Variants in COL13A1 observed in about 807,000 individuals in gnomAD.
The protein encoded by COL13A1 is collagen alpha-1(XIII) chain.
COL13A1 carries 89 observed loss-of-function variants against 130.9 expected under a neutral mutation model. The observed-to-expected ratio is 0.68, with a 90% CI of 0.57 to 0.81. The LOEUF (loss-of-function observed/expected upper bound fraction) is 0.81. COL13A1 is among the 30% of genes least tolerant of loss of function. The probability of loss-of-function intolerance (pLI) is 0.00; values close to 1 mark genes in which losing one functional copy is unlikely to be tolerated. For missense variants in COL13A1, 879 were observed against 934.6 expected (o/e 0.94, Z 0.78); for synonymous variants, 402 against 341.6 (o/e 1.18, Z -1.95).
rs1230501667 is a variant in COL13A1, at chr10:69,880,553, T to C, written c.513T>C (p.Pro171=). 1.2e-6 allele frequency: 2 copies of C among 1,613,040 alleles called. No homozygotes were observed. Among genetic ancestry groups the C allele is most frequent in the African/African-American group, 2.7e-5 (2 of 74,880 alleles). Residue 171 remains proline (P), a splice_region_variant and synonymous_variant, in exon 7 of 41, where the codon CCT becomes CCC. Coordinates refer to ENST00000645393, the MANE Select transcript of COL13A1 (RefSeq NM_001368882.1). Reference sequence around the variant, plus strand: ...CCATCATTGGTCCCCGCGGCCCCCCTGTAAGTTGTTTTTGCTCTTCCTCGG... The same window carrying C: ...CCATCATTGGTCCCCGCGGCCCCCCCGTAAGTTGTTTTTGCTCTTCCTCGG... The part of the protein sequence containing the change: ...GLSIIGPRGP[P]GQPGTRGFPG...
chr10:69,809,213 C>T lies in COL13A1; in HGVS notation c.294+6496C>T, dbSNP rs75236246. 5.8e-3 allele frequency among the ~76,000 whole-genome samples: 882 copies of T among 152,332 alleles called. 6 individuals are homozygous for T. Among genetic ancestry groups the T allele is most frequent in the African/African-American group, 0.02 (847 of 41,576 alleles). On this transcript the variant is annotated intron_variant, in intron 1 of 40. Transcript: ENST00000645393. The stretch of plus-strand genomic sequence containing the variant: ...TGAAAAATGGAGATGATGACATCCT[C>T]CTTACAGGGTTGTTGTAGGATTAAA...
intron 2 of COL13A1, among the ~76,000 whole-genome samples, chr10:69,823,277 G>A (rs991750755): frequency 6.6e-6 from 1 of 152,210 alleles, no homozygotes; most frequent in African/African-American, 2.4e-5. Context: ...TACTTTTCTA[G>A]GTGCCTGTTA....
chr10:69,878,062 G>A lies in COL13A1; in HGVS notation c.459G>A (p.Glu153=), dbSNP rs2134240142. 1 of 702,980 alleles carries A rather than the reference G, an allele frequency of 1.4e-6. No homozygotes were observed. The highest frequency in any genetic ancestry group is 1.5e-5 in the South Asian group (1 of 67,600). The allele number at this position is 702,980 out of a possible 1,614,324, so 43.5% of individuals were successfully genotyped here. A position where few individuals can be genotyped will look rare whatever the true frequency, so the allele number is the denominator to read the frequency against. Residue 153 remains glutamate (E), a synonymous_variant, in exon 6 of 41, where the codon GAG becomes GAA. Transcript: ENST00000645393. ...GRVGVKGQPG[E]KGSPGDAGLS... Reference sequence around the variant, plus strand: ...AGGGAGTAAAGGGCCAACCAGGCGAGAAGGTGAGTCCACACTTTCCCCTTC... The same window carrying A: ...AGGGAGTAAAGGGCCAACCAGGCGAAAAGGTGAGTCCACACTTTCCCCTTC...
chr10:69,949,940 G>GCGTGTGTGCGTGTGTT (rs2069155424), intron 38 of COL13A1, among the ~76,000 whole-genome samples: 3 of 143,996 alleles, frequency 2.1e-5, no homozygotes, highest in African/African-American at 7.4e-5. Flanking sequence ...TTGTGTGTGT[G>GCGTGTGTGCGTGTGTT]TGTGTGTGCG....
At chr10:69,935,218 C>T in intron 31 of COL13A1, 132 bp from the exon 32 acceptor site, 1 of 735,732 alleles carries the variant, frequency 1.4e-6, no homozygotes, top group South Asian at 1.6e-5. Context: ...GGATACTGTG[C>T]TGGGCAGTCA....
intron 31 of COL13A1, among the ~76,000 whole-genome samples, chr10:69,934,647 C>G (rs1200795407): frequency 1.3e-5 from 2 of 152,246 alleles, no homozygotes; most frequent in Admixed American, 1.3e-4. Context: ...ACAGAAGCTG[C>G]AATGGGCACC....
chr10:69,820,548 A>G (rs963956265), intron 1 of COL13A1, among the ~76,000 whole-genome samples: 2 of 152,228 alleles, frequency 1.3e-5, no homozygotes, highest in African/African-American at 4.8e-5. Flanking sequence ...AGAGCTGGCT[A>G]TCACCAGAGG....
intron 18 of COL13A1, 61 bp from the exon 19 acceptor site, chr10:69,918,224 G>A (rs1565056994): frequency 1.8e-5 from 27 of 1,502,294 alleles, no homozygotes; most frequent in African/African-American, 5.5e-5. Context: ...ACTGCCCCCC[G>A]CCCCCTGCTG....
rs557702303 is a variant in COL13A1 at position 69,878,919 on chromosome 10, C to T, written c.462+854C>T. On this transcript the variant is annotated intron_variant, in intron 6 of 40. Coordinates refer to ENST00000645393, the MANE Select transcript of COL13A1 (RefSeq NM_001368882.1). ...AAGCCAGACCTCCCGGTGCCCGGCT[C>T]TGTACTTCCCTGTCTGTAATGCAGT... Among the ~76,000 whole-genome samples the T allele has an allele frequency of 2.6e-5, 4 of 152,386 alleles. No individual in the cohort carries two copies. The South Asian group carries it at 8.3e-4, about 32-fold the overall frequency.
intron 2 of COL13A1, among the ~76,000 whole-genome samples, chr10:69,857,569 C>T (rs779303600): frequency 9.9e-5 from 15 of 152,216 alleles, no homozygotes; most frequent in Admixed American, 2.0e-4. Flanking sequence ...GAGGGATCTA[C>T]GTTGCACACT....
chr10:69,831,572 T>C (rs1203706399), intron 2 of COL13A1, among the ~76,000 whole-genome samples: 1 of 152,050 alleles, frequency 6.6e-6, no homozygotes, highest in Non-Finnish European at 1.5e-5. Context: ...CCTAGGAAAA[T>C]GAAGATGTTG....
intron 1 of COL13A1, among the ~76,000 whole-genome samples, chr10:69,804,114 G>A (rs574753378): frequency 4.5e-4 from 69 of 152,262 alleles, no homozygotes; most frequent in African/African-American, 1.4e-3. Flanking sequence ...CCATCGGGCC[G>A]TCCATGGTTC....
At chr10:69,829,397 C>A (rs1848271745) in intron 2 of COL13A1, 2 of 423,352 alleles carry the variant, frequency 4.7e-6, no homozygotes, top group African/African-American at 2.2e-5. Context: ...CTGCTCTGAC[C>A]CCCCTCGCCA....
intron 2 of COL13A1, among the ~76,000 whole-genome samples, chr10:69,857,119 T>C (rs1335160668): frequency 6.6e-6 from 1 of 152,134 alleles, no homozygotes; most frequent in Non-Finnish European, 1.5e-5. Context: ...CCTGAATCTG[T>C]AAAATTGGGA....
At chr10:69,889,119 C>A (rs1229452613) in intron 9 of COL13A1, among the ~76,000 whole-genome samples, 1 of 152,224 alleles carries the variant, frequency 6.6e-6, no homozygotes, top group Non-Finnish European at 1.5e-5. Flanking sequence ...CCGAAGCTAC[C>A]CTGGACATGT....
At chr10:69,956,746 G>A (rs1437753573) in intron 39 of COL13A1, 2 of 424,016 alleles carry the variant, frequency 4.7e-6, no homozygotes, top group East Asian at 3.7e-5. Flanking sequence ...TCTGCTTGCT[G>A]GTCCCACGGG....
chr10:69,860,083 G>A (rs1403887738), intron 2 of COL13A1, among the ~76,000 whole-genome samples: 3 of 152,222 alleles, frequency 2.0e-5, no homozygotes, highest in Non-Finnish European at 4.4e-5. Flanking sequence ...GAGTCAGGGG[G>A]TCTGTACCTG....
At chr10:69,931,069 C>G in intron 30 of COL13A1, 1 of 419,960 alleles carries the variant, frequency 2.4e-6, no homozygotes, top group Non-Finnish European at 4.9e-6. Context: ...ACCCTTGGAG[C>G]AAGGGAGCCA....
intron 29 of COL13A1, 124 bp downstream of exon 29, chr10:69,930,211 G>T (rs10762323): frequency 1.8e-3 from 25 of 13,954 alleles, no homozygotes; most frequent in Admixed American, 3.1e-3. Context: ...AAGGGGAGAT[G>T]GGGGGGGGCA....
Sources: gnomAD v4.1 joint callset for allele counts (sites outside exome capture counted in the v4.1 genomes callset) on GRCh38, gnomAD v4.1.1 for gene constraint, MANE v1.5 for transcripts, NCBI Gene and HGNC (gene_info 2026-07-23, HGNC 2026-07-21) for gene names.